SMARCA4: variants seen among roughly 807,000 people sequenced by gnomAD.
The protein encoded by SMARCA4 is SWI/SNF-related matrix-associated actin-dependent regulator of chromatin subfamily A member 4.
SMARCA4 carries 31 observed loss-of-function variants against 193.9 expected under a neutral mutation model. The observed-to-expected ratio is 0.16, with a 90% CI of 0.12 to 0.22. The LOEUF (loss-of-function observed/expected upper bound fraction) is 0.22. Among genes scored for constraint, SMARCA4 ranks in the 10% least tolerant of loss-of-function variants. SMARCA4 has a pLI of 1.00. For synonymous variants in SMARCA4, 942 were observed against 933.1 expected (o/e 1.01, Z -0.17); for missense variants, 1,148 against 2,296.0 (o/e 0.50, Z 10.22).
chr19:11,012,858 G>A (rs2088983640), intron 15 of SMARCA4, 91 bp from the exon 16 acceptor site: 1 of 1,214,734 alleles, frequency 8.2e-7, no homozygotes, highest in South Asian at 1.2e-5. Context: ...CAGAACTCGT[G>A]GCTGGCGGTG....
At chr19:11,018,628 A>G (rs2089590242) in intron 16 of SMARCA4, among the ~76,000 whole-genome samples, 1 of 152,092 alleles carries the variant, frequency 6.6e-6, no homozygotes, top group African/African-American at 2.4e-5. Flanking sequence ...CTGAAGCTGC[A>G]TTTTCCCGGC....
chr19:11,058,376 T>C lies in SMARCA4; in HGVS notation c.4533+13T>C, dbSNP rs374656094. The C allele has an allele frequency of 1.9e-6, 3 of 1,561,644 alleles. No homozygotes were observed. The highest frequency in any genetic ancestry group is 2.7e-5 in the African/African-American group (2 of 73,900). The stretch of plus-strand genomic sequence containing the variant: ...CAAGAAGATAAAGGTAACCCTGACG[T>C]TGTACCTGCGCCCCGCATGTGCCCG... On this transcript the variant is annotated intron_variant, in intron 31 of 34. Transcript: ENST00000344626. The surrounding 1 kb of genome is among the most constrained non-coding windows in gnomAD (Gnocchi z 5.8).
chr19:10,972,743 C>T (rs547411099), intron 1 of SMARCA4, among the ~76,000 whole-genome samples: 2 of 152,244 alleles, frequency 1.3e-5, no homozygotes, highest in African/African-American at 2.4e-5. Flanking sequence ...CTCAGTGTTG[C>T]GTATATAGCT....
chr19:11,023,143 C>T (rs911926787), intron 19 of SMARCA4, among the ~76,000 whole-genome samples: 4 of 152,142 alleles, frequency 2.6e-5, no homozygotes, highest in African/African-American at 9.7e-5. Flanking sequence ...TCAGCCTGGC[C>T]CCTGCAGCGC....
chr19:11,059,706 C>T (rs1442786370), intron 32 of SMARCA4, 47 bp from the exon 33 acceptor site: 6 of 1,546,984 alleles, frequency 3.9e-6, no homozygotes, highest in South Asian at 1.2e-5. Flanking sequence ...GGGCAGGCAG[C>T]CCTCCAGTCG....
intron 16 of SMARCA4, 43 bp from the exon 17 acceptor site, chr19:11,018,914 G>A (rs1280339841): frequency 6.5e-7 from 1 of 1,540,988 alleles, no homozygotes; most frequent in Admixed American, 1.7e-5. Flanking sequence ...GTGAGCCATT[G>A]ATGAGAGACC....
chr19:11,007,771 C>A, intron 13 of SMARCA4, 131 bp from the exon 14 acceptor site: 1 of 814,824 alleles, frequency 1.2e-6, no homozygotes, highest in Non-Finnish European at 2.1e-6. Flanking sequence ...AAACAGCACA[C>A]ATTCCAGGAT....
chr19:11,008,281 G>A (rs1023695405), intron 14 of SMARCA4: 16 of 427,358 alleles, frequency 3.7e-5, no homozygotes, highest in African/African-American at 6.0e-5. Context: ...TCCTCACCCC[G>A]TTCTCTGCTC....
intron 16 of SMARCA4, 86 bp downstream of exon 16, chr19:11,013,198 A>G (rs2146285411): frequency 6.9e-7 from 1 of 1,448,128 alleles, no homozygotes; most frequent in Non-Finnish European, 9.6e-7. Context: ...AGAATACCAC[A>G]AACGAGGTGG....
chr19:10,963,753 G>T (rs538525209), intron 1 of SMARCA4, among the ~76,000 whole-genome samples: 67 of 151,172 alleles, frequency 4.4e-4, no homozygotes, highest in African/African-American at 1.6e-3. Context: ...CACCTGATGC[G>T]TAGTGAACAC....
chr19:10,995,680 T>C, intron 9 of SMARCA4: 1 of 369,852 alleles, frequency 2.7e-6, no homozygotes, highest in South Asian at 2.0e-5. Flanking sequence ...CCGGTAGCCC[T>C]GGGCTCCCAG....
chr19:10,975,755 C>G (rs1452413786), intron 1 of SMARCA4, among the ~76,000 whole-genome samples: 3 of 152,174 alleles, frequency 2.0e-5, no homozygotes, highest in South Asian at 2.1e-4. Context: ...AAGGGTTAAC[C>G]TCCTGGACTT....
chr19:11,056,235 G>T (rs1397039484), intron 30 of SMARCA4: 1 of 152,220 alleles, frequency 6.6e-6, no homozygotes, highest in African/African-American at 2.4e-5. Flanking sequence ...AGCAGCAAGC[G>T]CATCCACTGT....
intron 24 of SMARCA4, among the ~76,000 whole-genome samples, chr19:11,028,565 G>A (rs2090422736): frequency 6.6e-6 from 1 of 152,222 alleles, no homozygotes; most frequent in Middle Eastern, 3.2e-3. Flanking sequence ...GGTGAGCACG[G>A]AGGGAGGGAA....
chr19:11,059,673 G>C (rs2147109988), intron 32 of SMARCA4, 80 bp from the exon 33 acceptor site: 4 of 1,483,700 alleles, frequency 2.7e-6, no homozygotes, highest in Non-Finnish European at 3.7e-6. Context: ...CACAGGGCTG[G>C]GGCTGGGGCT....
intron 21 of SMARCA4, 131 bp downstream of exon 21, chr19:11,024,569 C>G: frequency 1.4e-6 from 1 of 710,938 alleles, no homozygotes; most frequent in Non-Finnish European, 2.5e-6. Flanking sequence ...CTGGCCAGCC[C>G]TGGTTATGAT....
At chr19:11,061,202 AAAATATATATATATATATAT>A (rs1376695291) in intron 34 of SMARCA4, among the ~76,000 whole-genome samples, 20 of 61,444 alleles carry the variant, frequency 3.3e-4, no homozygotes, top group Admixed American at 1.5e-3. Flanking sequence ...AAAAAAAAAA[AAAATATATATATATATATAT>A]ATATATATAT....
At chr19:11,012,606 T>A in intron 15 of SMARCA4, 1 of 372,900 alleles carries the variant, frequency 2.7e-6, no homozygotes, top group Non-Finnish European at 5.2e-6. Flanking sequence ...AGTGCAAGTG[T>A]CCCGTGGTGT....
intron 1 of SMARCA4, among the ~76,000 whole-genome samples, chr19:10,965,578 G>A (rs2084148360): frequency 6.6e-6 from 1 of 152,192 alleles, no homozygotes; most frequent in African/African-American, 2.4e-5. Flanking sequence ...AATGCGTTGT[G>A]AGATGATTTT....
Sources: allele counts gnomAD v4.1 joint callset (sites outside exome capture counted in the v4.1 genomes callset), GRCh38; gene constraint gnomAD v4.1.1; non-coding constraint Gnocchi (gnomAD v3.1); transcripts MANE v1.5; gene names NCBI Gene and HGNC (gene_info 2026-07-23, HGNC 2026-07-21).